SMCHD1: variants seen among roughly 807,000 people sequenced by gnomAD.
SMCHD1 encodes the protein structural maintenance of chromosomes flexible hinge domain-containing protein 1.
A neutral mutation model predicts 254.7 loss-of-function variants in SMCHD1; 78 were observed. The ratio of observed to expected loss-of-function variants is 0.31; its 90% CI spans 0.26 to 0.37. The LOEUF is 0.37. Among genes scored for constraint, SMCHD1 ranks in the 10% least tolerant of loss-of-function variants. The pLI, the probability that SMCHD1 is intolerant of heterozygous loss-of-function variation, is 1.00. For synonymous variants in SMCHD1, 766 were observed against 794.9 expected (o/e 0.96, Z 0.61); for missense variants, 1,840 against 2,408.1 (o/e 0.76, Z 4.94).
intron 46 of SMCHD1, 139 bp from the exon 47 acceptor site, chr18:2,796,268 C>A: frequency 2.3e-6 from 2 of 856,366 alleles, no homozygotes; most frequent in Non-Finnish European, 3.5e-6. Context: ...ATAAACTATT[C>A]TTTCACCAGA....
chr18:2,761,092 C>T (rs543317750), intron 35 of SMCHD1, among the ~76,000 whole-genome samples: 7 of 152,186 alleles, frequency 4.6e-5, no homozygotes, highest in South Asian at 4.1e-4. Flanking sequence ...AACAAGAGAA[C>T]GAAATTATGT....
chr18:2,764,072 C>T (rs1046237222), intron 37 of SMCHD1: 5 of 242,802 alleles, frequency 2.1e-5, no homozygotes, highest in African/African-American at 9.1e-5. Flanking sequence ...TGAAAAGCTG[C>T]CGTTATGTGG....
intron 34 of SMCHD1, 79 bp from the exon 35 acceptor site, chr18:2,760,572 GA>G: frequency 1.3e-6 from 1 of 799,464 alleles, no homozygotes; most frequent in South Asian, 1.5e-5. Flanking sequence ...TTTGTGGAAA[GA>G]ACAGAAATGT....
chr18:2,674,131 AG>A lies in SMCHD1; in HGVS notation c.626del (p.Gly209ValfsTer20). ...VYRLSKFTRQ[G>X]DFESDHSGYV... is the part of the protein sequence containing the mutation. ...ATAGGTTGTCAAAATTCACAAGGCA[AG>A]GTGACTTTGAAAGGTTAGAAAACCT... On this transcript the variant is annotated frameshift_variant, in exon 5 of 48. Coordinates refer to ENST00000320876, the MANE Select transcript of SMCHD1 (RefSeq NM_015295.3). LOFTEE classifies it high-confidence loss of function. 1.3e-6 allele frequency: 2 copies of A among 1,591,900 alleles called. No individual in the cohort carries two copies. Among genetic ancestry groups the A allele is most frequent in the Non-Finnish European group, 1.7e-6 (2 of 1,171,364 alleles).
intron 22 of SMCHD1, 72 bp from the exon 23 acceptor site, chr18:2,728,385 A>G (rs1243688881): frequency 1.4e-6 from 2 of 1,402,448 alleles, no homozygotes; most frequent in Non-Finnish European, 9.8e-7. Context: ...TGTTAAAGTT[A>G]TTTCTTTTGC....
intron 7 of SMCHD1, among the ~76,000 whole-genome samples, chr18:2,689,821 G>T (rs1341183902): frequency 7.4e-6 from 1 of 135,202 alleles, no homozygotes; most frequent in Non-Finnish European, 1.5e-5. Flanking sequence ...TTTAAGACCA[G>T]CCTCTGTAAC....
intron 8 of SMCHD1, among the ~76,000 whole-genome samples, chr18:2,696,645 G>C (rs978226565): frequency 5.3e-5 from 8 of 152,134 alleles, no homozygotes; most frequent in African/African-American, 1.9e-4. Context: ...CGATAATTGA[G>C]TCCTTTCTGG....
intron 5 of SMCHD1, among the ~76,000 whole-genome samples, chr18:2,686,555 T>G (rs1267222593): frequency 2.0e-5 from 3 of 151,558 alleles, no homozygotes; most frequent in African/African-American, 7.3e-5. Flanking sequence ...GTTTTAAGAT[T>G]TTTTTTTTAA....
At chr18:2,794,069 AT>A (rs1230421640) in intron 45 of SMCHD1, among the ~76,000 whole-genome samples, 1 of 152,192 alleles carries the variant, frequency 6.6e-6, no homozygotes, top group Non-Finnish European at 1.5e-5. Flanking sequence ...CTAGAGTCTT[AT>A]CCAGATGCTA....
At chr18:2,705,551 C>T (rs1359590052) in intron 13 of SMCHD1, 143 bp from the exon 14 acceptor site, 5 of 412,256 alleles carry the variant, frequency 1.2e-5, no homozygotes, top group Admixed American at 4.0e-5. Context: ...TATTAGAATG[C>T]TGTTTTCATT....
intron 12 of SMCHD1, among the ~76,000 whole-genome samples, chr18:2,703,126 A>C (rs2074440213): frequency 6.6e-6 from 1 of 152,250 alleles, no homozygotes; most frequent in Non-Finnish European, 1.5e-5. Context: ...AAAGAAAAGT[A>C]CATTTTGCAT....
At chr18:2,795,317 G>C (rs2076242949) in intron 45 of SMCHD1, among the ~76,000 whole-genome samples, 1 of 151,926 alleles carries the variant, frequency 6.6e-6, no homozygotes, top group Non-Finnish European at 1.5e-5. Flanking sequence ...TTGGAACCTT[G>C]CAACGTGCTG....
chr18:2,713,136 G>T (rs1206081393), intron 17 of SMCHD1, among the ~76,000 whole-genome samples: 1 of 152,204 alleles, frequency 6.6e-6, no homozygotes, highest in Non-Finnish European at 1.5e-5. Context: ...TGTTGTTGTA[G>T]ATGAATGCAG....
intron 45 of SMCHD1, among the ~76,000 whole-genome samples, chr18:2,794,931 G>A (rs1447902853): frequency 2.0e-5 from 3 of 151,954 alleles, no homozygotes; most frequent in Admixed American, 6.6e-5. Context: ...AATTTTCCCA[G>A]GTCATTAATT....
intron 17 of SMCHD1, among the ~76,000 whole-genome samples, chr18:2,711,683 C>T (rs1019892171): frequency 6.6e-6 from 1 of 151,228 alleles, no homozygotes; most frequent in African/African-American, 2.4e-5. Context: ...GGGGTTTCAC[C>T]GTTTTAGCCG....
In SMCHD1 at chr18:2,794,197, G is replaced by A. The variant is rs1248682037; in HGVS notation, c.5720-1752G>A. Reference sequence around the variant, plus strand: ...TGGATAGGCCAGTGGGCTCACTCCTGTAATCCCAGCACTTCGGGAGCCCAA... The same window carrying A: ...TGGATAGGCCAGTGGGCTCACTCCTATAATCCCAGCACTTCGGGAGCCCAA... On this transcript the variant is annotated intron_variant, in intron 45 of 47. Transcript: ENST00000320876. Among the ~76,000 whole-genome samples, 6 of 152,274 alleles carry A rather than the reference G, an allele frequency of 3.9e-5. No individual in the cohort carries two copies. In the East Asian group the frequency reaches 1.2e-3, roughly 29 times the overall value.
intron 21 of SMCHD1, among the ~76,000 whole-genome samples, 177 bp from the exon 22 acceptor site, chr18:2,726,274 GT>G (rs977875796): frequency 2.0e-5 from 3 of 151,728 alleles, no homozygotes; most frequent in Non-Finnish European, 4.4e-5. Context: ...GTATTGATCA[GT>G]TTTTTTCCTC....
intron 24 of SMCHD1, among the ~76,000 whole-genome samples, chr18:2,731,188 G>A (rs2075132593): frequency 6.6e-6 from 1 of 152,204 alleles, no homozygotes; most frequent in South Asian, 2.1e-4. Flanking sequence ...TATCACTCAC[G>A]TGGATAGGCT....
At chr18:2,757,631 AGTT>A (rs1254009644) in intron 34 of SMCHD1, among the ~76,000 whole-genome samples, 9 of 152,144 alleles carry the variant, frequency 5.9e-5, no homozygotes, top group Admixed American at 3.3e-4. Flanking sequence ...CTTTGAAATT[AGTT>A]GTTATTTGTT....
Sources: gnomAD v4.1 joint callset for allele counts (sites outside exome capture counted in the v4.1 genomes callset) on GRCh38, gnomAD v4.1.1 for gene constraint, MANE v1.5 for transcripts, NCBI Gene and HGNC (gene_info 2026-07-23, HGNC 2026-07-21) for gene names.